Variants in TRMT6 observed in about 807,000 individuals in gnomAD.
TRMT6 encodes the protein tRNA (adenine(58)-N(1))-methyltransferase non-catalytic subunit TRM6.
Under a neutral mutation model 59.0 loss-of-function variants are expected in TRMT6, and 34 were observed. The observed-to-expected ratio is 0.58, with a 90% CI of 0.44 to 0.77. The LOEUF (loss-of-function observed/expected upper bound fraction) is 0.77. Ranked by LOEUF, TRMT6 falls within the 30% of genes least tolerant of loss-of-function variation. The pLI is 0.00. For missense variants in TRMT6, 575 were observed against 604.5 expected (o/e 0.95, Z 0.51); for synonymous variants, 217 against 210.5 (o/e 1.03, Z -0.27).
In TRMT6 at chr20:5,942,756, C is replaced by T. The variant is rs371031248; in HGVS notation, c.698G>A (p.Gly233Glu). The change falls in exon 7 of 11, where the codon GGA (glycine) becomes GAA (glutamate). Residue 233 changes from glycine to glutamate, a missense_variant. Physicochemically the swap from Gly to Glu is moderately conservative, Grantham distance 98 (BLOSUM62 -2). Coordinates refer to ENST00000203001, the MANE Select transcript of TRMT6 (RefSeq NM_015939.5). Reference sequence around the variant, plus strand: ...TGTTGCTGCCCGAACAGGTCCTCCTCCAGGGTATAGCTGAATAATGGAGCC... The same window carrying T: ...TGTTGCTGCCCGAACAGGTCCTCCTTCAGGGTATAGCTGAATAATGGAGCC... The part of the protein sequence containing the change: ...GFGSIIQLYP[G>E]GGPVRAATAC... 8 of 1,613,814 alleles carry T rather than the reference C, an allele frequency of 5.0e-6. No individual in the cohort carries two copies. The highest frequency in any genetic ancestry group is 5.9e-6 in the Non-Finnish European group (7 of 1,179,964).
intron 1 of TRMT6, among the ~76,000 whole-genome samples, chr20:5,948,518 T>C (rs557623754): frequency 1.3e-5 from 2 of 152,254 alleles, no homozygotes; most frequent in South Asian, 4.2e-4. Flanking sequence ...AATAAATGTT[T>C]AGGGCAGTGG....
At chr20:5,949,778 A>G (rs1295891186) in intron 1 of TRMT6, among the ~76,000 whole-genome samples, 3 of 152,110 alleles carry the variant, frequency 2.0e-5, no homozygotes, top group African/African-American at 2.4e-5. Flanking sequence ...ATTAGGGAAG[A>G]AGGAGGATCT....
chr20:5,945,120 C>T (rs554453987), intron 2 of TRMT6, among the ~76,000 whole-genome samples: 1 of 152,318 alleles, frequency 6.6e-6, no homozygotes, highest in African/African-American at 2.4e-5. Context: ...CCCTACTATC[C>T]ACCTGGATGC....
intron 6 of TRMT6, 136 bp downstream of exon 6, chr20:5,943,423 A>G: frequency 8.8e-7 from 1 of 1,137,690 alleles, no homozygotes; most frequent in South Asian, 1.5e-5. Context: ...CCATGCTAGG[A>G]GCCGTGCAGG....
rs775289376 is a variant in TRMT6 at position 5,941,153 on chromosome 20, C to T, written c.1216-14G>A. 6.8e-6 allele frequency: 11 copies of T among 1,613,288 alleles called. No homozygotes were observed. The South Asian group carries it at 1.1e-4, about 16-fold the overall frequency. ...TTCCAACAGAGGCTGCAGACAACAA[C>T]AGAATTCTGTTAAGAACTACTTCCT... On this transcript the variant is annotated splice_polypyrimidine_tract_variant and intron_variant, in intron 9 of 10. Coordinates refer to ENST00000203001, the MANE Select transcript of TRMT6 (RefSeq NM_015939.5).
Position 5,938,654 on chromosome 20 carries a change from C to G in TRMT6, c.1375G>C (p.Val459Leu). The G allele has an allele frequency of 6.2e-7, 1 of 1,614,164 alleles. No individual in the cohort carries two copies. Among genetic ancestry groups the G allele is most frequent in the Non-Finnish European group, 8.5e-7 (1 of 1,180,038 alleles). ...GGGYLLSGFTVAMDNLKADTS... is the reference protein window; with the variant it reads ...GGGYLLSGFTLAMDNLKADTS... ...TCTGCTTTAAGGTTGTCCATGGCAACGGTGAAGCCGGAGAGAAGATAACCC... is the reference window on the plus strand; with the variant it reads ...TCTGCTTTAAGGTTGTCCATGGCAAGGGTGAAGCCGGAGAGAAGATAACCC... The change falls in exon 11 of 11, where the codon GTT (valine) becomes CTT (leucine). Residue 459 changes from valine (V) to leucine (L), a missense_variant. Val to Leu is a conservative substitution (Grantham distance 32). Transcript: ENST00000203001.
In TRMT6 at chr20:5,944,805, C is replaced by T; in HGVS notation, c.366G>A (p.Glu122=). The change falls in exon 3 of 11, where the codon GAG becomes GAA. Residue 122 remains glutamate (E), a splice_region_variant and synonymous_variant. Coordinates refer to ENST00000203001, the MANE Select transcript of TRMT6 (RefSeq NM_015939.5). ...AAACTAAAAATCCTTTGAATATTAC[C>T]TCTCCTTTAATGCCCTTGTCCTTCA... ...KALKDKGIKG[E]EIVQQLIENS... 1 of 1,607,460 alleles carries T rather than the reference C, an allele frequency of 6.2e-7. No individual in the cohort carries two copies.
At chr20:5,943,350 G>A (rs989028213) in intron 6 of TRMT6, among the ~76,000 whole-genome samples, 2 of 152,176 alleles carry the variant, frequency 1.3e-5, no homozygotes, top group Admixed American at 6.5e-5. Context: ...AAGGACAATT[G>A]CCATGGGTTT....
chr20:5,948,039 G>C lies in TRMT6; in HGVS notation c.129-1506C>G, dbSNP rs575779309. On this transcript the variant is annotated intron_variant, in intron 1 of 10. Coordinates refer to ENST00000203001, the MANE Select transcript of TRMT6 (RefSeq NM_015939.5). ...AGGAGGCTGAGGTGGAAGATTGCTT[G>C]AGCCCAAGAGGCAGTGGTTGCAGTG... is the stretch of plus-strand genomic sequence containing the variant. Among the ~76,000 whole-genome samples the C allele has an allele frequency of 7.2e-5, 11 of 152,170 alleles. No homozygotes were observed. In the South Asian group the frequency reaches 1.7e-3, roughly 23 times the overall value.
chr20:5,949,714 G>A (rs982381303), intron 1 of TRMT6, among the ~76,000 whole-genome samples: 1 of 152,204 alleles, frequency 6.6e-6, no homozygotes, highest in African/African-American at 2.4e-5. Flanking sequence ...AGGATAGAAA[G>A]CCAGACTAGG....
Position 5,942,515 on chromosome 20 carries a change from G to A in TRMT6, c.939C>T (p.Asn313=), listed in dbSNP as rs1288956989. The A allele has an allele frequency of 6.2e-7, 1 of 1,613,854 alleles. No individual in the cohort carries two copies. The highest frequency in any genetic ancestry group is 8.5e-7 in the Non-Finnish European group (1 of 1,180,032). The change falls in exon 7 of 11, where the codon AAC becomes AAT. Residue 313 remains asparagine, a synonymous_variant. Transcript: ENST00000203001. ...CCATTGTTTCCTGGTCTTCTGGGTG[G>A]TTGCTCTCTGGGGCCTCTGCCATGC... ...EDSMAEAPES[N]HPEDQETMET...
At chr20:5,943,764 C>T (rs2088680376) in intron 5 of TRMT6, 81 bp from the exon 6 acceptor site, 2 of 1,555,586 alleles carry the variant, frequency 1.3e-6, no homozygotes, top group African/African-American at 1.4e-5. Flanking sequence ...GTTTTGTTTG[C>T]TTTATTAAAA....
At chr20:5,943,792 T>C in intron 5 of TRMT6, 109 bp from the exon 6 acceptor site, 1 of 1,536,868 alleles carries the variant, frequency 6.5e-7, no homozygotes, top group Non-Finnish European at 8.7e-7. Context: ...GATAAGATTA[T>C]TGATTGCTTT....
At chr20:5,946,630 TG>T in intron 1 of TRMT6, 97 bp from the exon 2 acceptor site, 1 of 1,138,134 alleles carries the variant, frequency 8.8e-7, no homozygotes. Flanking sequence ...GTCTCCACAA[TG>T]GATGATCAGC....
At position 5,943,263 on chromosome 20, in the gene TRMT6, G is replaced by A. The variant is rs573743821; in HGVS notation, c.667+296C>T. Among the ~76,000 whole-genome samples the A allele has an allele frequency of 2.0e-5, 3 of 152,246 alleles. No homozygotes were observed. The South Asian group carries it at 6.2e-4, about 32-fold the overall frequency. On this transcript the variant is annotated intron_variant, in intron 6 of 10. Transcript: ENST00000203001. The stretch of plus-strand genomic sequence containing the variant: ...TGAAATGAGCACCAGCTACCCAGGA[G>A]TTTACTAAAATCACTGTCCCGAAAG...
intron 1 of TRMT6, among the ~76,000 whole-genome samples, chr20:5,946,890 G>C (rs1461945068): frequency 1.3e-5 from 2 of 152,202 alleles, no homozygotes; most frequent in Non-Finnish European, 2.9e-5. Flanking sequence ...TGGAAATGGA[G>C]CCTAACACTG....
intron 10 of TRMT6, among the ~76,000 whole-genome samples, chr20:5,940,523 GA>G (rs2088646804): frequency 6.6e-6 from 1 of 152,156 alleles, no homozygotes; most frequent in East Asian, 1.9e-4. Flanking sequence ...CATAACAAGA[GA>G]AAAAAAGGGT....
chr20:5,938,413 AACGGGT>A lies in TRMT6; in HGVS notation c.*116_*121del, dbSNP rs1475873374. On this transcript the variant is annotated 3_prime_UTR_variant, in exon 11 of 11. Coordinates refer to ENST00000203001, the MANE Select transcript of TRMT6 (RefSeq NM_015939.5). ...AAGGCATATACTCCTCCTTCCTAGA[AACGGGT>A]ACATAGACATGTTCTTATTCTTGGG... 9.4e-7 allele frequency: 1 copy of A among 1,065,170 alleles called. No individual in the cohort carries two copies. The highest frequency in any genetic ancestry group is 1.4e-6 in the Non-Finnish European group (1 of 732,964). 66.0% of individuals were successfully genotyped at this position (1,065,170 alleles called of 1,614,324 possible).
chr20:5,943,211 C>A (rs1161303900), intron 6 of TRMT6, among the ~76,000 whole-genome samples: 1 of 152,000 alleles, frequency 6.6e-6, no homozygotes, highest in Non-Finnish European at 1.5e-5. Context: ...GTAATCTTCC[C>A]ACTCAATCCC....
Sources: allele counts gnomAD v4.1 joint callset (sites outside exome capture counted in the v4.1 genomes callset), GRCh38; gene constraint gnomAD v4.1.1; transcripts MANE v1.5; gene names NCBI Gene and HGNC (gene_info 2026-07-23, HGNC 2026-07-21).